DGUOK: variants seen among roughly 807,000 people sequenced by gnomAD.
DGUOK encodes deoxyguanosine kinase.
DGUOK carries 30 observed loss-of-function variants against 36.6 expected under a neutral mutation model. The observed-to-expected ratio is 0.82, with a 90% confidence interval of 0.61 to 1.11. DGUOK has a LOEUF of 1.11. Ranked by LOEUF, DGUOK falls within the 50% of genes most tolerant of loss-of-function variation. DGUOK has a pLI of 0.00. For synonymous variants in DGUOK, 145 were observed against 126.3 expected, an observed-to-expected ratio of 1.15 and a Z score of -0.99; for missense variants, 361 against 336.4, an observed-to-expected ratio of 1.07 and a Z score of -0.57.
chr2:73,948,527 C>T (rs1199517791), intron 3 of DGUOK, among the ~76,000 whole-genome samples: 1 of 152,162 alleles, frequency 6.6e-6, no homozygotes, highest in African/African-American at 2.4e-5. Flanking sequence ...TTGGATGCCT[C>T]CTGTGTTGAA....
At position 73,934,796 on chromosome 2, in the gene DGUOK, G is replaced by A. The variant is rs1490886475; in HGVS notation, c.143-4114G>A. On this transcript the variant is annotated intron_variant, in intron 1 of 6. Coordinates refer to ENST00000264093, the MANE Select transcript of DGUOK (RefSeq NM_080916.3). The stretch of plus-strand genomic sequence containing the variant: ...GAAAGAAAGATAACAGCAGTGGCCC[G>A]GCGCAGTGGCTCACGCCTGTAATCC... Among the ~76,000 whole-genome samples, 8 of 147,492 alleles carry A rather than the reference G, an allele frequency of 5.4e-5. No homozygotes were observed. The South Asian group carries it at 6.4e-4, about 12-fold the overall frequency.
At chr2:73,927,826 C>T (rs753756831) in intron 1 of DGUOK, among the ~76,000 whole-genome samples, 5 of 152,234 alleles carry the variant, frequency 3.3e-5, no homozygotes, top group Non-Finnish European at 5.9e-5. Context: ...CTTTTATCTA[C>T]CAAGTCACTG....
chr2:73,956,298 A>G (rs1471688414), intron 4 of DGUOK, among the ~76,000 whole-genome samples: 1 of 152,216 alleles, frequency 6.6e-6, no homozygotes, highest in African/African-American at 2.4e-5. Flanking sequence ...TGCAAATTTT[A>G]CATTCTATTC....
chr2:73,952,750 GC>G (rs1440059075), intron 4 of DGUOK, among the ~76,000 whole-genome samples: 1 of 152,210 alleles, frequency 6.6e-6, no homozygotes, highest in Non-Finnish European at 1.5e-5. Flanking sequence ...GTAAAATGGG[GC>G]TACTTGGGCC....
intron 4 of DGUOK, among the ~76,000 whole-genome samples, chr2:73,956,102 G>A (rs1683065450): frequency 6.6e-6 from 1 of 152,212 alleles, no homozygotes; most frequent in South Asian, 2.1e-4. Context: ...TAAGGCAGTT[G>A]AGAAGTAGGA....
chr2:73,935,528 C>T (rs1681393964), intron 1 of DGUOK, among the ~76,000 whole-genome samples: 1 of 152,178 alleles, frequency 6.6e-6, no homozygotes, highest in South Asian at 2.1e-4. Context: ...GAAAGTTATA[C>T]TGTGTCTGGC....
chr2:73,958,104 AT>A (rs759202913), intron 5 of DGUOK, 41 bp from the exon 6 acceptor site: 2 of 1,522,094 alleles, frequency 1.3e-6, no homozygotes, highest in Non-Finnish European at 1.8e-6. Flanking sequence ...CTCAAGTTAC[AT>A]TTCTTTTTTT....
chr2:73,929,974 T>G (rs944429758), intron 1 of DGUOK, among the ~76,000 whole-genome samples: 8 of 152,154 alleles, frequency 5.3e-5, no homozygotes, highest in Non-Finnish European at 1.2e-4. Flanking sequence ...ACAGAAGTGG[T>G]CTAGTGGAAA....
chr2:73,927,264 T>A (rs1456088358), intron 1 of DGUOK, among the ~76,000 whole-genome samples: 2 of 152,152 alleles, frequency 1.3e-5, no homozygotes, highest in African/African-American at 4.8e-5. Context: ...CACAGGAACA[T>A]ATTTGTTGGG....
chr2:73,955,028 CT>C (rs1038732695), intron 4 of DGUOK, among the ~76,000 whole-genome samples: 63 of 151,644 alleles, frequency 4.2e-4, no homozygotes, highest in African/African-American at 1.1e-3. Context: ...ACTTCGACCT[CT>C]TTTTTTTTCC....
At chr2:73,942,247 T>G (rs1020397550) in intron 2 of DGUOK, among the ~76,000 whole-genome samples, 1 of 152,216 alleles carries the variant, frequency 6.6e-6, no homozygotes, top group Non-Finnish European at 1.5e-5. Context: ...TAATATATTT[T>G]TACAATATAA....
chr2:73,939,356 G>C (rs1339527111), intron 2 of DGUOK, among the ~76,000 whole-genome samples: 1 of 152,172 alleles, frequency 6.6e-6, no homozygotes, highest in Admixed American at 6.5e-5. Flanking sequence ...TAACCACTAG[G>C]ATTAATAGCT....
At chr2:73,954,559 A>G (rs1682950839) in intron 4 of DGUOK, among the ~76,000 whole-genome samples, 1 of 152,044 alleles carries the variant, frequency 6.6e-6, no homozygotes, top group African/African-American at 2.4e-5. Context: ...CAAAAGAGAA[A>G]TAGCTAGGCC....
At chr2:73,953,712 C>G (rs904043030) in intron 4 of DGUOK, among the ~76,000 whole-genome samples, 1 of 142,386 alleles carries the variant, frequency 7.0e-6, no homozygotes, top group African/African-American at 2.6e-5. Context: ...CTATTCTTCC[C>G]TAACTTCTTT....
intron 1 of DGUOK, among the ~76,000 whole-genome samples, chr2:73,930,782 CTTTTTTT>C (rs1020072202): frequency 4.2e-5 from 4 of 95,476 alleles, no homozygotes. Context: ...ACATAATTTT[CTTTTTTT>C]TTTTCTTTTT....
chr2:73,949,178 C>G (rs764875280), intron 3 of DGUOK, among the ~76,000 whole-genome samples: 1 of 152,162 alleles, frequency 6.6e-6, no homozygotes, highest in Non-Finnish European at 1.5e-5. Context: ...TCTCAAACTC[C>G]TGGCCTCAGG....
intron 4 of DGUOK, among the ~76,000 whole-genome samples, chr2:73,952,318 C>T (rs1042128906): frequency 6.6e-6 from 1 of 152,170 alleles, no homozygotes; most frequent in African/African-American, 2.4e-5. Flanking sequence ...TCTTCATTGC[C>T]TGAGAGCCAG....
chr2:73,957,312 C>T (rs1239417446), intron 5 of DGUOK, 72 bp downstream of exon 5: 1 of 1,076,680 alleles, frequency 9.3e-7, no homozygotes, highest in Non-Finnish European at 1.4e-6. Flanking sequence ...AAAACAAGTT[C>T]AGCATGCAGC....
At chr2:73,936,609 C>A (rs1681483889) in intron 1 of DGUOK, among the ~76,000 whole-genome samples, 1 of 152,162 alleles carries the variant, frequency 6.6e-6, no homozygotes, top group Non-Finnish European at 1.5e-5. Context: ...GAAGGATGCC[C>A]CCCTTCTTTC....
Sources: gnomAD v4.1 joint callset for allele counts (sites outside exome capture counted in the v4.1 genomes callset) on GRCh38, gnomAD v4.1.1 for gene constraint, MANE v1.5 for transcripts, NCBI Gene and HGNC (gene_info 2026-07-23, HGNC 2026-07-21) for gene names.